ANKAR: variants seen among roughly 807,000 people sequenced by gnomAD.
The protein encoded by ANKAR is ankyrin and armadillo repeat-containing protein.
In ANKAR, 136 loss-of-function variants were observed where a neutral mutation model predicts 146.2. The ratio of observed to expected loss-of-function variants is 0.93; its 90% confidence interval spans 0.81 to 1.07. The LOEUF (loss-of-function observed/expected upper bound fraction) is 1.07. Among genes scored for constraint, ANKAR ranks in the 50% least tolerant of loss-of-function variants. The pLI, the probability that ANKAR is intolerant of heterozygous loss-of-function variation, is 0.00. For missense variants in ANKAR, 1,567 were observed against 1,679.9 expected (o/e 0.93, Z 1.18); for synonymous variants, 500 against 575.8 (o/e 0.87, Z 1.88).
chr2:189,742,904 TGACACA>T (rs1176484045), intron 20 of ANKAR, among the ~76,000 whole-genome samples: 16 of 10,562 alleles, frequency 1.5e-3, no homozygotes, highest in Non-Finnish European at 2.7e-3. Flanking sequence ...TAGAATTACC[TGACACA>T]CACACACACA....
chr2:189,711,831 C>T (rs1016222372), intron 10 of ANKAR, among the ~76,000 whole-genome samples: 3 of 152,234 alleles, frequency 2.0e-5, no homozygotes, highest in African/African-American at 4.8e-5. Flanking sequence ...GGGGATTTCC[C>T]TTTCCTTGCC....
At chr2:189,746,882 T>C, downstream of ANKAR, 1 of 303,542 alleles carries the variant, frequency 3.3e-6, no homozygotes, top group Non-Finnish European at 6.0e-6. Flanking sequence ...ACATGAGTGG[T>C]ATAACTAGTG....
At chr2:189,742,905 GACACAC>G (rs397987025) in intron 20 of ANKAR, among the ~76,000 whole-genome samples, 1,326 of 33,418 alleles carry the variant, frequency 0.04, 41 homozygotes, top group Middle Eastern at 0.065. Flanking sequence ...AGAATTACCT[GACACAC>G]ACACACACAC....
intron 12 of ANKAR, among the ~76,000 whole-genome samples, chr2:189,721,527 G>C (rs545803952): frequency 4.1e-4 from 62 of 152,254 alleles, no homozygotes; most frequent in Non-Finnish European, 7.6e-4. Context: ...AGATTTGTTA[G>C]ATATTTGACG....
At chr2:189,704,496 TAAAAG>T (rs1386833386) in intron 7 of ANKAR, among the ~76,000 whole-genome samples, 1 of 121,660 alleles carries the variant, frequency 8.2e-6, no homozygotes, top group Non-Finnish European at 1.7e-5. Context: ...ATGGAAAAAA[TAAAAG>T]AAAAATGCCC....
At chr2:189,737,862 C>A in intron 18 of ANKAR, 21 bp downstream of exon 18, 2 of 1,503,092 alleles carry the variant, frequency 1.3e-6, no homozygotes, top group Admixed American at 2.6e-5. Context: ...GAGATTAACA[C>A]CTCAAATTAA....
intron 18 of ANKAR, chr2:189,752,750 T>C (rs1197989142): frequency 2.5e-6 from 4 of 1,613,666 alleles, no homozygotes; most frequent in Non-Finnish European, 3.4e-6. Flanking sequence ...TAAAATAAAA[T>C]CAATAGCTCC....
chr2:189,681,750 A>G (rs985332317), intron 2 of ANKAR, among the ~76,000 whole-genome samples: 1 of 152,156 alleles, frequency 6.6e-6, no homozygotes, highest in African/African-American at 2.4e-5. Flanking sequence ...GAGGTATTCA[A>G]TGAGCTTGGG....
chr2:189,762,261 A>G (rs1243966653), downstream of ANKAR, among the ~76,000 whole-genome samples: 2 of 152,190 alleles, frequency 1.3e-5, no homozygotes, highest in Non-Finnish European at 2.9e-5. Flanking sequence ...TTCCCCCAAA[A>G]TAATAGCAGC....
At chr2:189,717,021 T>C (rs2040555649) in intron 10 of ANKAR, among the ~76,000 whole-genome samples, 1 of 152,072 alleles carries the variant, frequency 6.6e-6, no homozygotes, top group Non-Finnish European at 1.5e-5. Context: ...ATTCAGGACA[T>C]AGGCATGGGC....
chr2:189,680,823 T>C (rs559609613), intron 2 of ANKAR, among the ~76,000 whole-genome samples: 30 of 152,288 alleles, frequency 2.0e-4, no homozygotes, highest in African/African-American at 7.0e-4. Context: ...TTTTCTTAAA[T>C]TAATTGAGAC....
At chr2:189,732,400 G>A (rs758882808) in intron 16 of ANKAR, among the ~76,000 whole-genome samples, 21 of 151,976 alleles carry the variant, frequency 1.4e-4, no homozygotes, top group Non-Finnish European at 1.5e-4. Context: ...TTTGGCTCAC[G>A]CCTGTAATCC....
chr2:189,743,853 G>C (rs749110942), intron 21 of ANKAR, among the ~76,000 whole-genome samples: 1 of 152,150 alleles, frequency 6.6e-6, no homozygotes, highest in Non-Finnish European at 1.5e-5. Context: ...TGGGTTTTCC[G>C]GACCAGATCC....
At chr2:189,717,128 G>T (rs965424084) in intron 10 of ANKAR, among the ~76,000 whole-genome samples, 1 of 152,090 alleles carries the variant, frequency 6.6e-6, no homozygotes, top group African/African-American at 2.4e-5. Flanking sequence ...CACAGCAAAA[G>T]AAACTACCAT....
chr2:189,757,018 A>G (rs950060580), intron 18 of ANKAR, among the ~76,000 whole-genome samples: 7 of 152,178 alleles, frequency 4.6e-5, no homozygotes, highest in African/African-American at 1.7e-4. Context: ...GGATTATGCT[A>G]AACACTAGGG....
chr2:189,762,206 T>A (rs904766824), downstream of ANKAR, among the ~76,000 whole-genome samples: 2 of 152,244 alleles, frequency 1.3e-5, no homozygotes, highest in Non-Finnish European at 2.9e-5. Flanking sequence ...AAATCTCCAC[T>A]TTTTGCTACA....
intron 3 of ANKAR, among the ~76,000 whole-genome samples, chr2:189,690,575 C>T (rs1483322215): frequency 6.6e-6 from 1 of 152,172 alleles, no homozygotes; most frequent in African/African-American, 2.4e-5. Context: ...ACAATTTATA[C>T]ATTTTCATTG....
Position 189,743,425 on chromosome 2 carries a change from T to C in ANKAR, c.3961T>C (p.Leu1321=). Residue 1321 remains leucine (L), a synonymous_variant, in exon 21 of 23, where the codon TTA becomes CTA. Coordinates refer to ENST00000684021, the MANE Select transcript of ANKAR (RefSeq NM_001378068.1). Reference sequence around the variant, plus strand: ...AGATGCAAGTATTAACCCAGCATTTTTAAAGGAATTTCAAATGCAACAAAC... The same window carrying C: ...AGATGCAAGTATTAACCCAGCATTTCTAAAGGAATTTCAAATGCAACAAAC... ...SRDASINPAF[L]KEFQMQQTLV... 6.2e-7 allele frequency: 1 copy of C among 1,613,976 alleles called. No individual in the cohort carries two copies. Among genetic ancestry groups the C allele is most frequent in the Non-Finnish European group, 8.5e-7 (1 of 1,179,930 alleles).
chr2:189,675,474 G>C, intron 1 of ANKAR, among the ~76,000 whole-genome samples: 1 of 151,744 alleles, frequency 6.6e-6, no homozygotes, highest in East Asian at 1.9e-4. Context: ...CAAGCCCCGC[G>C]AGTAGCTGAG....
Sources: allele counts gnomAD v4.1 joint callset (sites outside exome capture counted in the v4.1 genomes callset), GRCh38; gene constraint gnomAD v4.1.1; transcripts MANE v1.5; gene names NCBI Gene and HGNC (gene_info 2026-07-23, HGNC 2026-07-21).